SMURF2: variants seen among roughly 807,000 people sequenced by gnomAD.
SMURF2 encodes SMAD specific E3 ubiquitin protein ligase 2, also known as E3 ubiquitin-protein ligase SMURF2.
Under a neutral mutation model 109.6 loss-of-function variants are expected in SMURF2, and 48 were observed. The ratio of observed to expected loss-of-function variants is 0.44; its 90% CI spans 0.35 to 0.56. The LOEUF is 0.56. Among genes scored for constraint, SMURF2 ranks in the 20% least tolerant of loss-of-function variants. The pLI is 0.01. For synonymous variants in SMURF2, 288 were observed against 317.1 expected (o/e 0.91, Z 0.97); for missense variants, 575 against 909.0 (o/e 0.63, Z 4.72).
chr17:64,566,575 T>TTTTTTTTTTTTTTTTTTTTTG (rs1568176838), intron 10 of SMURF2, among the ~76,000 whole-genome samples: 2 of 103,264 alleles, frequency 1.9e-5, no homozygotes, highest in Non-Finnish European at 4.1e-5. Flanking sequence ...TTTTTTTTTT[T>TTTTTTTTTTTTTTTTTTTTTG]TTTTTTTTTT....
At chr17:64,648,633 A>T (rs547249303) in intron 1 of SMURF2, among the ~76,000 whole-genome samples, 9 of 152,218 alleles carry the variant, frequency 5.9e-5, no homozygotes, top group African/African-American at 2.2e-4. Context: ...TTACACCAGC[A>T]TGGTGCCACA....
At chr17:64,653,486 GAC>G in intron 1 of SMURF2, among the ~76,000 whole-genome samples, 1 of 149,542 alleles carries the variant, frequency 6.7e-6, no homozygotes, top group African/African-American at 2.5e-5. Flanking sequence ...TTTTTTTTGA[GAC>G]AGAGTCACCC....
At chr17:64,554,691 T>C (rs782271409) in intron 15 of SMURF2, among the ~76,000 whole-genome samples, 165 bp downstream of exon 15, 4 of 152,146 alleles carry the variant, frequency 2.6e-5, no homozygotes, top group Non-Finnish European at 4.4e-5. Flanking sequence ...TCCTGACCCA[T>C]GGAATTGTGA....
intron 1 of SMURF2, among the ~76,000 whole-genome samples, chr17:64,621,805 G>A (rs1970206393): frequency 6.6e-6 from 1 of 151,064 alleles, no homozygotes; most frequent in Non-Finnish European, 1.5e-5. Flanking sequence ...ACCGGGACCC[G>A]GGAGGCGGAG....
chr17:64,557,100 G>A (rs1568172914), intron 13 of SMURF2, among the ~76,000 whole-genome samples: 1 of 152,184 alleles, frequency 6.6e-6, no homozygotes, highest in African/African-American at 2.4e-5. Context: ...GCTTAGTAAT[G>A]TAGTTGATAG....
At chr17:64,567,794 T>C (rs2144615418) in intron 10 of SMURF2, among the ~76,000 whole-genome samples, 1 of 151,428 alleles carries the variant, frequency 6.6e-6, no homozygotes, top group South Asian at 2.1e-4. Context: ...GCAATTCTCC[T>C]GCCTCAGCCT....
At chr17:64,618,638 C>T (rs1370472004) in intron 1 of SMURF2, among the ~76,000 whole-genome samples, 2 of 152,160 alleles carry the variant, frequency 1.3e-5, no homozygotes, top group African/African-American at 2.4e-5. Flanking sequence ...GATGGCTGTT[C>T]AAGAGATGAA....
At chr17:64,644,130 C>T (rs537632769) in intron 1 of SMURF2, among the ~76,000 whole-genome samples, 2 of 152,232 alleles carry the variant, frequency 1.3e-5, no homozygotes, top group South Asian at 4.1e-4. Flanking sequence ...CTCAGCCTCC[C>T]AAGTAGTTGG....
At chr17:64,609,631 A>G (rs1176243953) in intron 1 of SMURF2, among the ~76,000 whole-genome samples, 1 of 128,530 alleles carries the variant, frequency 7.8e-6, no homozygotes, top group East Asian at 1.9e-4. Context: ...CTCGAGATAC[A>G]TTAAAGACTT....
chr17:64,657,972 A>G (rs930078104), intron 1 of SMURF2, among the ~76,000 whole-genome samples: 1 of 152,158 alleles, frequency 6.6e-6, no homozygotes, highest in Non-Finnish European at 1.5e-5. Flanking sequence ...AAAGAAAAGG[A>G]AGGAGCTCAA....
intron 12 of SMURF2, among the ~76,000 whole-genome samples, chr17:64,558,260 T>C (rs1969153259): frequency 6.6e-6 from 1 of 151,910 alleles, no homozygotes. Context: ...ATTAGCCAGG[T>C]TGATGGCAAG....
chr17:64,579,571 C>A (rs1745750250), intron 8 of SMURF2, among the ~76,000 whole-genome samples: 1 of 152,056 alleles, frequency 6.6e-6, no homozygotes, highest in South Asian at 2.1e-4. Context: ...AGAAGTATAA[C>A]CACTCCCACT....
intron 1 of SMURF2, among the ~76,000 whole-genome samples, chr17:64,639,934 G>C (rs1393210193): frequency 6.6e-6 from 1 of 152,106 alleles, no homozygotes; most frequent in Non-Finnish European, 1.5e-5. Context: ...AATAAATATG[G>C]ATTTTAGTTA....
intron 1 of SMURF2, among the ~76,000 whole-genome samples, chr17:64,634,843 TGGA>T (rs1970394327): frequency 1.3e-5 from 2 of 152,214 alleles, no homozygotes; most frequent in African/African-American, 4.8e-5. Flanking sequence ...TCATGAAGCC[TGGA>T]GTTTACAGAG....
chr17:64,594,902 A>T (rs1555687960), intron 3 of SMURF2, among the ~76,000 whole-genome samples: 1 of 152,096 alleles, frequency 6.6e-6, no homozygotes, highest in Non-Finnish European at 1.5e-5. Context: ...AGGCAGGAGA[A>T]TCACTTGAAC....
chr17:64,562,275 G>A (rs1327936447), intron 11 of SMURF2, among the ~76,000 whole-genome samples: 1 of 92,348 alleles, frequency 1.1e-5, no homozygotes, highest in African/African-American at 4.6e-5. Flanking sequence ...CCTGGCGACA[G>A]ACTCCGTCTC....
intron 1 of SMURF2, among the ~76,000 whole-genome samples, chr17:64,652,676 G>A (rs1241583328): frequency 3.3e-5 from 5 of 152,128 alleles, no homozygotes; most frequent in Non-Finnish European, 7.3e-5. Context: ...AGTAGAGACG[G>A]GGTTTTGCCA....
At chr17:64,603,152 C>G (rs1162020455) in intron 2 of SMURF2, among the ~76,000 whole-genome samples, 1 of 151,290 alleles carries the variant, frequency 6.6e-6, no homozygotes, top group Admixed American at 6.6e-5. Context: ...TTAGCCAACC[C>G]ATCTTGGTTT....
intron 13 of SMURF2, 41 bp from the exon 14 acceptor site, chr17:64,556,039 C>A (rs782797451): frequency 1.4e-6 from 2 of 1,410,740 alleles, no homozygotes; most frequent in Non-Finnish European, 1.9e-6. Flanking sequence ...AGGCACTACC[C>A]AGGAAAATTT....
Sources: allele counts gnomAD v4.1 joint callset (sites outside exome capture counted in the v4.1 genomes callset), GRCh38; gene constraint gnomAD v4.1.1; transcripts MANE v1.5; gene names NCBI Gene and HGNC (gene_info 2026-07-23, HGNC 2026-07-21).